PCDH9: variants seen among roughly 807,000 people sequenced by gnomAD.
The protein encoded by PCDH9 is protocadherin-9.
In PCDH9, 24 loss-of-function variants were observed where a neutral mutation model predicts 70.6. The ratio of observed to expected loss-of-function variants is 0.34; its 90% CI spans 0.25 to 0.48. The LOEUF is 0.48. PCDH9 is among the 20% of genes least tolerant of loss of function. The probability of loss-of-function intolerance (pLI) is 0.99; values close to 1 mark genes in which losing one functional copy is unlikely to be tolerated. For synonymous variants in PCDH9, 562 were observed against 558.5 expected, an observed-to-expected ratio of 1.01 and a Z score of -0.09; for missense variants, 1,281 against 1,503.6, an observed-to-expected ratio of 0.85 and a Z score of 2.45.
Position 66,938,046 on chromosome 13 carries a change from C to T in PCDH9, c.3037-34441G>A, listed in dbSNP as rs994336192. On this transcript the variant is annotated intron_variant, in intron 2 of 4. Coordinates refer to ENST00000377865, the MANE Select transcript of PCDH9 (RefSeq NM_203487.3). ...GGTCAGAACTGTGCGTGGATTACAC[C>T]ACAGTGCTCTAAAAGGAGAGTTCAT... Among the ~76,000 whole-genome samples, 6 of 152,018 alleles carry T rather than the reference C, an allele frequency of 3.9e-5. No individual in the cohort carries two copies. The South Asian group carries it at 1.2e-3, about 31-fold the overall frequency.
intron 3 of PCDH9, among the ~76,000 whole-genome samples, chr13:66,848,693 C>T (rs943082195): frequency 3.9e-5 from 6 of 152,002 alleles, no homozygotes; most frequent in African/African-American, 1.5e-4. Context: ...CTCTGGGAGG[C>T]TGAGGCGGGC....
At chr13:66,921,602 T>C (rs939232554) in intron 2 of PCDH9, among the ~76,000 whole-genome samples, 2 of 151,366 alleles carry the variant, frequency 1.3e-5, no homozygotes, top group Admixed American at 1.3e-4. Context: ...ATGTCATGAA[T>C]ATATGCTTTG....
intron 4 of PCDH9, among the ~76,000 whole-genome samples, chr13:66,521,814 C>T (rs1252023688): frequency 2.0e-5 from 3 of 152,018 alleles, no homozygotes; most frequent in Non-Finnish European, 4.4e-5. Flanking sequence ...TAATCTGGGT[C>T]TCTCTAACCT....
intron 4 of PCDH9, among the ~76,000 whole-genome samples, chr13:66,554,970 G>A (rs1042871082): frequency 1.3e-5 from 2 of 152,076 alleles, no homozygotes; most frequent in East Asian, 1.9e-4. Flanking sequence ...GGGAGTTCAA[G>A]ACCAGCCTGA....
intron 3 of PCDH9, among the ~76,000 whole-genome samples, chr13:66,674,760 T>A (rs1271898911): frequency 6.6e-6 from 1 of 152,132 alleles, no homozygotes; most frequent in Non-Finnish European, 1.5e-5. Flanking sequence ...CAGTTTCATC[T>A]AATTAGTATT....
chr13:66,772,744 A>C (rs1200366166), intron 3 of PCDH9, among the ~76,000 whole-genome samples: 1 of 152,106 alleles, frequency 6.6e-6, no homozygotes, highest in African/African-American at 2.4e-5. Flanking sequence ...AGTTAAAAAT[A>C]TTTTGATTGT....
intron 3 of PCDH9, among the ~76,000 whole-genome samples, chr13:66,803,055 A>G (rs1360993537): frequency 6.6e-6 from 1 of 152,174 alleles, no homozygotes; most frequent in Non-Finnish European, 1.5e-5. Context: ...GTTTACAAAT[A>G]GAATCAACTC....
chr13:66,630,509 A>G (rs1212273902), intron 4 of PCDH9, among the ~76,000 whole-genome samples: 1 of 152,108 alleles, frequency 6.6e-6, no homozygotes, highest in Non-Finnish European at 1.5e-5. Context: ...ACCCCCCAAC[A>G]ATGCTTATTT....
At chr13:67,080,699 A>G (rs1314011415) in intron 2 of PCDH9, among the ~76,000 whole-genome samples, 2 of 152,252 alleles carry the variant, frequency 1.3e-5, no homozygotes, top group East Asian at 3.8e-4. Flanking sequence ...ATTAAAGCAC[A>G]TTGTTTGTAT....
chr13:67,073,750 C>T (rs1327730790), intron 2 of PCDH9, among the ~76,000 whole-genome samples: 1 of 151,988 alleles, frequency 6.6e-6, no homozygotes, highest in Non-Finnish European at 1.5e-5. Context: ...AAGAAGTTTC[C>T]ATGTTTGGTA....
At chr13:66,883,789 G>A (rs1330936565) in intron 3 of PCDH9, among the ~76,000 whole-genome samples, 1 of 152,014 alleles carries the variant, frequency 6.6e-6, no homozygotes, top group Non-Finnish European at 1.5e-5. Flanking sequence ...CTTCTCATTG[G>A]ACATTGTTTG....
chr13:66,772,912 GA>G (rs11332199), intron 3 of PCDH9, among the ~76,000 whole-genome samples: 12,370 of 142,052 alleles, frequency 0.087, 515 homozygotes, highest in East Asian at 0.15. Flanking sequence ...AAGTAAACCA[GA>G]AAAAAAAAAA....
intron 2 of PCDH9, among the ~76,000 whole-genome samples, chr13:66,981,374 G>C (rs867643666): frequency 1.2e-4 from 18 of 148,374 alleles, no homozygotes; most frequent in Non-Finnish European, 1.9e-4. Flanking sequence ...GGAGGCGGAG[G>C]TTGCAATGAG....
rs949758065 is a variant in PCDH9, at chr13:66,550,301, A to T, written c.3340+80909T>A. Reference sequence around the variant, plus strand: ...ATGAAATAGAAATTAAAATATACTTAGTATTTATATCAAAAATTATAGTAT... The same window carrying T: ...ATGAAATAGAAATTAAAATATACTTTGTATTTATATCAAAAATTATAGTAT... On this transcript the variant is annotated intron_variant, in intron 4 of 4. Coordinates refer to ENST00000377865, the MANE Select transcript of PCDH9 (RefSeq NM_203487.3). Among the ~76,000 whole-genome samples, 5 of 152,066 alleles carry T rather than the reference A, an allele frequency of 3.3e-5. No individual in the cohort carries two copies. The South Asian group carries it at 8.3e-4, about 25-fold the overall frequency.
intron 4 of PCDH9, among the ~76,000 whole-genome samples, chr13:66,517,522 A>T (rs12870285): frequency 6.6e-6 from 1 of 152,172 alleles, no homozygotes; most frequent in Admixed American, 6.6e-5. Flanking sequence ...GCTATCAGGG[A>T]CAATATCCAC....
At chr13:66,347,827 C>T (rs891588199) in intron 4 of PCDH9, among the ~76,000 whole-genome samples, 5 of 152,278 alleles carry the variant, frequency 3.3e-5, no homozygotes, top group Admixed American at 2.6e-4. Flanking sequence ...TCCTGAGCTG[C>T]GAGCTATTGC....
chr13:66,929,142 A>C (rs913487770), intron 2 of PCDH9, among the ~76,000 whole-genome samples: 5 of 152,124 alleles, frequency 3.3e-5, no homozygotes, highest in African/African-American at 1.2e-4. Flanking sequence ...ACACAAAAAC[A>C]TAGAAACTTA....
intron 4 of PCDH9, among the ~76,000 whole-genome samples, chr13:66,623,704 G>T (rs1438130077): frequency 1.3e-5 from 2 of 152,070 alleles, no homozygotes; most frequent in Admixed American, 1.3e-4. Flanking sequence ...CTCCCAAATC[G>T]CTGGAATTAT....
chr13:66,423,241 G>A (rs1165440905), intron 4 of PCDH9, among the ~76,000 whole-genome samples: 3 of 151,776 alleles, frequency 2.0e-5, no homozygotes, highest in Non-Finnish European at 2.9e-5. Flanking sequence ...TCTAACAAAG[G>A]TACAAAGAGG....
Sources: gnomAD v4.1 joint callset for allele counts (sites outside exome capture counted in the v4.1 genomes callset) on GRCh38, gnomAD v4.1.1 for gene constraint, MANE v1.5 for transcripts, NCBI Gene and HGNC (gene_info 2026-07-23, HGNC 2026-07-21) for gene names.